KDSR: variants seen among roughly 807,000 people sequenced by gnomAD.
KDSR encodes 3-dehydrosphinganine reductase.
In KDSR, 23 loss-of-function variants were observed where a neutral mutation model predicts 41.3. The ratio of observed to expected loss-of-function variants is 0.56; its 90% confidence interval spans 0.40 to 0.79. KDSR has a LOEUF of 0.79. Among genes scored for constraint, KDSR ranks in the 30% least tolerant of loss-of-function variants. KDSR has a pLI of 0.00. For synonymous variants in KDSR, 138 were observed against 151.7 expected (o/e 0.91, Z 0.66); for missense variants, 351 against 416.8 (o/e 0.84, Z 1.37).
At chr18:63,358,197 A>T (rs1360121146) in intron 3 of KDSR, among the ~76,000 whole-genome samples, 2 of 151,990 alleles carry the variant, frequency 1.3e-5, no homozygotes, top group Non-Finnish European at 2.9e-5. Flanking sequence ...AATAAATAAT[A>T]ATAATATTGA....
chr18:63,337,317 T>C (rs1258100429), intron 8 of KDSR, among the ~76,000 whole-genome samples: 1 of 151,932 alleles, frequency 6.6e-6, no homozygotes, highest in African/African-American at 2.4e-5. Flanking sequence ...GGTTTCATCA[T>C]ATTGGTCAGG....
intron 5 of KDSR, among the ~76,000 whole-genome samples, chr18:63,354,494 C>T (rs1436532733): frequency 6.6e-6 from 1 of 152,030 alleles, no homozygotes; most frequent in African/African-American, 2.4e-5. Context: ...GTGGCGTAAA[C>T]CCATCTCTAC....
intron 6 of KDSR, chr18:63,344,906 C>T (rs1054668928): frequency 4.4e-5 from 7 of 159,416 alleles, no homozygotes; most frequent in Non-Finnish European, 6.9e-5. Context: ...CCAGACTGTA[C>T]ATCTGTTTTT....
At chr18:63,363,572 T>C (rs113954344) in intron 1 of KDSR, among the ~76,000 whole-genome samples, 3 of 151,664 alleles carry the variant, frequency 2.0e-5, no homozygotes, top group African/African-American at 7.3e-5. Context: ...TATGGCTGCA[T>C]AGTATTCCAT....
At chr18:63,362,338 T>C (rs971845163) in intron 2 of KDSR, among the ~76,000 whole-genome samples, 11 of 152,264 alleles carry the variant, frequency 7.2e-5, no homozygotes, top group Non-Finnish European at 5.9e-5. Flanking sequence ...CTATGGTGTA[T>C]AGATTTCACT....
chr18:63,359,819 G>C (rs745958071), intron 2 of KDSR, 27 bp from the exon 3 acceptor site: 2 of 1,531,074 alleles, frequency 1.3e-6, no homozygotes, highest in African/African-American at 1.4e-5. Flanking sequence ...ATAATTAGTC[G>C]TGATGACCGT....
chr18:63,331,061 T>C lies in KDSR; in HGVS notation c.*721A>G, dbSNP rs1172518602. The stretch of plus-strand genomic sequence containing the variant: ...AGTCTAAAGACAAGAAAGCATTGCT[T>C]TTCCTACTGGAAAATATCTCTTTAC... On this transcript the variant is annotated 3_prime_UTR_variant, in exon 10 of 10. Transcript: ENST00000645214. 8.6e-6 allele frequency: 2 copies of C among 232,810 alleles called. No individual in the cohort carries two copies. Among genetic ancestry groups the C allele is most frequent in the Non-Finnish European group, 1.7e-5 (2 of 117,610 alleles). 14.4% of individuals were successfully genotyped at this position (232,810 alleles called of 1,614,324 possible).
rs1568275893 is a variant in KDSR at position 63,337,091 on chromosome 18, AC to A, written c.777+1708del. Among the ~76,000 whole-genome samples the A allele has an allele frequency of 6.1e-4, 15 of 24,708 alleles. 1 individual carries two copies. The highest frequency in any genetic ancestry group is 1.2e-3 in the African/African-American group (15 of 12,444). The allele number at this position is 24,708 out of a possible 152,430, so 16.2% of individuals were successfully genotyped here. ...GTGACTTTATATATATATATATGTG[AC>A]TTTATATATATATATATGTGAATAT... On this transcript the variant is annotated intron_variant, in intron 8 of 9. Coordinates refer to ENST00000645214, the MANE Select transcript of KDSR (RefSeq NM_002035.4).
Position 63,362,704 on chromosome 18 carries a change from G to A in KDSR, c.198+75C>T, listed in dbSNP as rs1213268214. The A allele has an allele frequency of 5.2e-6, 5 of 957,166 alleles. No homozygotes were observed. The East Asian group carries it at 1.2e-4, about 23-fold the overall frequency. 59.3% of individuals were successfully genotyped at this position (957,166 alleles called of 1,614,324 possible). ...AGCGCTTTCTAGGTGTGAATGCTAA[G>A]ATGTTTAGCACAGCCTCTTTGACTA... On this transcript the variant is annotated intron_variant, in intron 2 of 9. Coordinates refer to ENST00000645214, the MANE Select transcript of KDSR (RefSeq NM_002035.4).
intron 6 of KDSR, among the ~76,000 whole-genome samples, chr18:63,348,214 T>A (rs1366169234): frequency 6.6e-6 from 1 of 151,204 alleles, no homozygotes; most frequent in African/African-American, 2.4e-5. Context: ...GAGGCTGAGG[T>A]GGGAGGACTG....
intron 3 of KDSR, 57 bp downstream of exon 3, chr18:63,359,679 C>T: frequency 1.8e-6 from 2 of 1,131,212 alleles, no homozygotes; most frequent in Non-Finnish European, 2.7e-6. Flanking sequence ...CTCTGTTTTT[C>T]CTTTATACAG....
intron 3 of KDSR, 58 bp from the exon 4 acceptor site, chr18:63,355,621 GAT>G: frequency 6.7e-7 from 1 of 1,483,614 alleles, no homozygotes; most frequent in South Asian, 1.4e-5. Flanking sequence ...ATTTCTTAAA[GAT>G]ATTTTTTAAA....
chr18:63,331,781 A>T lies in KDSR; in HGVS notation c.*1T>A. 1 of 1,613,386 alleles carries T rather than the reference A, an allele frequency of 6.2e-7. No homozygotes were observed. Among genetic ancestry groups the T allele is most frequent in the Non-Finnish European group, 8.5e-7 (1 of 1,179,760 alleles). ...CAGTCTTCTTCCAAGGGGTAAGAAG[A>T]TTAGGCAGTTTTGTCTGCATTTTCA... On this transcript the variant is annotated 3_prime_UTR_variant, in exon 10 of 10. Transcript: ENST00000645214.
rs560408462 is a variant in KDSR, at chr18:63,352,982, C to T, written c.418-1903G>A. On this transcript the variant is annotated intron_variant, in intron 5 of 9. Coordinates refer to ENST00000645214, the MANE Select transcript of KDSR (RefSeq NM_002035.4). ...AGGAGTTCGAGACCAGCGTGACCAA[C>T]ATGGTGAAAACCCGACTCTACTAAA... is the stretch of plus-strand genomic sequence containing the variant. 6.7e-5 allele frequency among the ~76,000 whole-genome samples: 9 copies of T among 134,242 alleles called. No homozygotes were observed. The East Asian group carries it at 2.0e-3, about 29-fold the overall frequency. The allele number at this position is 134,242 out of a possible 152,430, so 88.1% of individuals were successfully genotyped here.
At chr18:63,340,055 A>G (rs569989016) in intron 7 of KDSR, among the ~76,000 whole-genome samples, 2 of 152,324 alleles carry the variant, frequency 1.3e-5, no homozygotes, top group African/African-American at 2.4e-5. Context: ...CTAAATACAC[A>G]TAAGATTCTA....
chr18:63,345,831 A>T (rs1251362191), intron 6 of KDSR: 2 of 151,816 alleles, frequency 1.3e-5, no homozygotes, highest in Non-Finnish European at 2.9e-5. Flanking sequence ...AATCCCAACT[A>T]CTTGGGAGGC....
rs1913893751 is a variant in KDSR, at chr18:63,328,997, T to G, written c.*2785A>C. 1 of 196,640 alleles carries G rather than the reference T, an allele frequency of 5.1e-6. No homozygotes were observed. The highest frequency in any genetic ancestry group is 1.9e-4 in the South Asian group (1 of 5,204). The allele number at this position is 196,640 out of a possible 1,614,324, so 12.2% of individuals were successfully genotyped here. A position where few individuals can be genotyped will look rare whatever the true frequency, so the allele number is the denominator to read the frequency against. ...GCACTTCTGGGTCCAATAGAAGGTG[T>G]TGAATCAATGTGATCCTTTAAAAAC... is the stretch of plus-strand genomic sequence containing the variant. On this transcript the variant is annotated 3_prime_UTR_variant, in exon 10 of 10. Coordinates refer to ENST00000645214, the MANE Select transcript of KDSR (RefSeq NM_002035.4).
At chr18:63,354,452 G>C (rs1914743141) in intron 5 of KDSR, among the ~76,000 whole-genome samples, 1 of 152,214 alleles carries the variant, frequency 6.6e-6, no homozygotes, top group Non-Finnish European at 1.5e-5. Context: ...CCAGTCACCT[G>C]AGGTCAGGAG....
At chr18:63,360,971 A>G (rs1189226509) in intron 2 of KDSR, among the ~76,000 whole-genome samples, 4 of 136,068 alleles carry the variant, frequency 2.9e-5, no homozygotes, top group Non-Finnish European at 6.1e-5. Flanking sequence ...CCTGGCCAAC[A>G]TAGTAAAACC....
Sources: allele counts gnomAD v4.1 joint callset (sites outside exome capture counted in the v4.1 genomes callset), GRCh38; gene constraint gnomAD v4.1.1; transcripts MANE v1.5; gene names NCBI Gene and HGNC (gene_info 2026-07-23, HGNC 2026-07-21).